RTL4: variants seen among roughly 807,000 people sequenced by gnomAD.
The protein encoded by RTL4 is retrotransposon Gag-like protein 4.
A neutral mutation model predicts 5.3 loss-of-function variants in RTL4; 4 were observed. That is an observed-to-expected ratio of 0.75 (90% CI 0.37 to 1.72). The LOEUF is 1.72. RTL4 is among the 40% of genes most tolerant of loss of function. The pLI, the probability that RTL4 is intolerant of heterozygous loss-of-function variation, is 0.04. For synonymous variants in RTL4, 98 were observed against 87.3 expected, an observed-to-expected ratio of 1.12 and a Z score of -0.68; for missense variants, 260 against 227.1, an observed-to-expected ratio of 1.14 and a Z score of -0.93.
chrX:112,393,371 T>C, the RTL4 span, among the ~76,000 whole-genome samples: 1 of 109,918 alleles, frequency 9.1e-6, no homozygotes, highest in Non-Finnish European at 1.9e-5. Flanking sequence ...CTGCCCCCAA[T>C]CAGCTGGTGC....
chrX:112,169,046 T>TTCTCTTTC, the RTL4 span, among the ~76,000 whole-genome samples: 1 of 33,653 alleles, frequency 3.0e-5, no homozygotes, highest in African/African-American at 8.4e-5. Flanking sequence ...CTTTCTTTCT[T>TTCTCTTTC]TCTTTCTTTC....
At chrX:112,290,714 A>G in the RTL4 span, among the ~76,000 whole-genome samples, 1 of 112,050 alleles carries the variant, frequency 8.9e-6, no homozygotes, top group Non-Finnish European at 1.9e-5. Context: ...GAGTATAGTA[A>G]TATAATATTT....
At chrX:112,171,163 G>GT in the RTL4 span, among the ~76,000 whole-genome samples, 6 of 110,889 alleles carry the variant, frequency 5.4e-5, no homozygotes, top group Non-Finnish European at 7.6e-5. Flanking sequence ...TTTTATTGAG[G>GT]TTTTTTTTGC....
chrX:112,175,366 G>T, the RTL4 span, among the ~76,000 whole-genome samples: 1 of 105,278 alleles, frequency 9.5e-6, no homozygotes, highest in South Asian at 4.6e-4. Flanking sequence ...TTTTTCTCAG[G>T]TTTGTCAAAG....
chrX:112,364,112 A>T, the RTL4 span, among the ~76,000 whole-genome samples: 2 of 112,138 alleles, frequency 1.8e-5, no homozygotes, highest in African/African-American at 6.5e-5. Context: ...AACGTGGGTA[A>T]TGGGAATCTA....
the RTL4 span, among the ~76,000 whole-genome samples, chrX:112,227,210 T>C: frequency 9.0e-6 from 1 of 111,103 alleles, no homozygotes; most frequent in Admixed American, 9.6e-5. Context: ...AATGGCTGAC[T>C]TGCCTGACAT....
chrX:112,369,985 A>C, the RTL4 span, among the ~76,000 whole-genome samples: 5 of 112,132 alleles, frequency 4.5e-5, no homozygotes, highest in Non-Finnish European at 9.4e-5. Flanking sequence ...CCAACAGTTG[A>C]CATGAGGAAT....
At chrX:112,230,176 C>G in the RTL4 span, among the ~76,000 whole-genome samples, 2 of 112,729 alleles carry the variant, frequency 1.8e-5, no homozygotes. Context: ...GTGGGCTCCA[C>G]CCAGTTCGAG....
chrX:112,315,087 C>T, the RTL4 span, among the ~76,000 whole-genome samples: 1 of 111,646 alleles, frequency 9.0e-6, no homozygotes, highest in African/African-American at 3.3e-5. Context: ...CTGGGAGAAG[C>T]CATCAGGAGA....
the RTL4 span, among the ~76,000 whole-genome samples, chrX:112,309,178 G>A: frequency 1.8e-5 from 2 of 111,590 alleles, no homozygotes; most frequent in Non-Finnish European, 3.8e-5. Flanking sequence ...CACTTCTGGA[G>A]GATGGCAAGT....
At chrX:112,438,812 T>G in the RTL4 span, among the ~76,000 whole-genome samples, 1 of 111,975 alleles carries the variant, frequency 8.9e-6, no homozygotes, top group African/African-American at 3.2e-5. Context: ...AAAAGTTCCT[T>G]CCTAATATGC....
chrX:112,244,985 T>C, the RTL4 span, among the ~76,000 whole-genome samples: 4 of 112,205 alleles, frequency 3.6e-5, no homozygotes, highest in Non-Finnish European at 7.5e-5. Context: ...AAATTCTGGA[T>C]TGAAAATTCT....
At chrX:112,109,122 G>A in the RTL4 span, among the ~76,000 whole-genome samples, 3 of 111,870 alleles carry the variant, frequency 2.7e-5, no homozygotes, top group Non-Finnish European at 5.6e-5. Context: ...CTACATCCAG[G>A]TGTTTTGCTC....
At chrX:112,315,244 C>T in the RTL4 span, among the ~76,000 whole-genome samples, 922 of 111,338 alleles carry the variant, frequency 8.3e-3, 2 homozygotes, top group Non-Finnish European at 0.012. Flanking sequence ...CTAGCAGGCT[C>T]CTTTGGCCTA....
chrX:112,098,196 G>A, the RTL4 span, among the ~76,000 whole-genome samples: 166 of 101,252 alleles, frequency 1.6e-3, no homozygotes, highest in African/African-American at 5.9e-3. Context: ...ACCTATGAGT[G>A]AGAACATGCA....
At chrX:112,240,773 C>A in the RTL4 span, among the ~76,000 whole-genome samples, 1 of 110,695 alleles carries the variant, frequency 9.0e-6, no homozygotes, top group African/African-American at 3.3e-5. Flanking sequence ...TTTGCTGCAC[C>A]CATTAACGTG....
the RTL4 span, among the ~76,000 whole-genome samples, chrX:112,328,113 C>A: frequency 7.4e-5 from 8 of 108,187 alleles, no homozygotes; most frequent in Admixed American, 1.0e-4. Context: ...GAGCAAAATA[C>A]CCAGCTAACA....
chrX:112,407,860 G>C, the RTL4 span, among the ~76,000 whole-genome samples: 3 of 112,624 alleles, frequency 2.7e-5, no homozygotes, highest in Admixed American at 2.8e-4. Context: ...GTTTCTGCCT[G>C]CTAAACCCAA....
chrX:112,311,270 T>C, the RTL4 span, among the ~76,000 whole-genome samples: 2 of 110,500 alleles, frequency 1.8e-5, no homozygotes, highest in Non-Finnish European at 3.8e-5. Flanking sequence ...CCTTGATAAT[T>C]CTCTTTTCCA....
Sources: allele counts gnomAD v4.1 joint callset (sites outside exome capture counted in the v4.1 genomes callset), GRCh38; gene constraint gnomAD v4.1.1; transcripts MANE v1.5; gene names NCBI Gene and HGNC (gene_info 2026-07-23, HGNC 2026-07-21).